Variants in RAB3GAP1 observed in about 807,000 individuals in gnomAD.
The protein encoded by RAB3GAP1 is rab3 GTPase-activating protein catalytic subunit.
In RAB3GAP1, 86 loss-of-function variants were observed where a neutral mutation model predicts 130.7. The ratio of observed to expected loss-of-function variants is 0.66; its 90% CI spans 0.55 to 0.79. The LOEUF (loss-of-function observed/expected upper bound fraction) is 0.79, where lower values mean the gene tolerates loss of function less well. Among genes scored for constraint, RAB3GAP1 ranks in the 30% least tolerant of loss-of-function variants. The pLI is 0.00. For missense variants in RAB3GAP1, 1,029 were observed against 1,169.4 expected, an observed-to-expected ratio of 0.88 and a Z score of 1.75; for synonymous variants, 367 against 401.7, an observed-to-expected ratio of 0.91 and a Z score of 1.03.
chr2:135,081,361 T>TATATATATATAC (rs1216831944), intron 3 of RAB3GAP1, among the ~76,000 whole-genome samples: 133 of 71,156 alleles, frequency 1.9e-3, no homozygotes, highest in Admixed American at 2.6e-3. Context: ...TATATATATA[T>TATATATATATAC]ACACACACGT....
At chr2:135,119,419 T>C (rs560385834) in intron 7 of RAB3GAP1, among the ~76,000 whole-genome samples, 103 of 152,292 alleles carry the variant, frequency 6.8e-4, no homozygotes, top group African/African-American at 2.4e-3. Context: ...CATAATTATT[T>C]CTTTTCTGGG....
chr2:135,105,502 G>C (rs889133514), intron 5 of RAB3GAP1, among the ~76,000 whole-genome samples: 2 of 152,090 alleles, frequency 1.3e-5, no homozygotes, highest in African/African-American at 4.8e-5. Context: ...TGGAGGTGCC[G>C]GGATTGCAGA....
At chr2:135,094,520 CA>C (rs1690236912) in intron 5 of RAB3GAP1, among the ~76,000 whole-genome samples, 1 of 152,030 alleles carries the variant, frequency 6.6e-6, no homozygotes. Flanking sequence ...TCCCATTAAC[CA>C]TCCCCTCTTT....
At chr2:135,096,330 G>A (rs59957696) in intron 5 of RAB3GAP1, among the ~76,000 whole-genome samples, 17,411 of 152,130 alleles carry the variant, frequency 0.11, 1,286 homozygotes, top group South Asian at 0.32. Context: ...ACATTAATCT[G>A]TGTTTATCTT....
At chr2:135,129,037 G>T (rs1292700208) in intron 11 of RAB3GAP1, among the ~76,000 whole-genome samples, 1 of 152,160 alleles carries the variant, frequency 6.6e-6, no homozygotes, top group East Asian at 1.9e-4. Context: ...TGTAGTCCCA[G>T]CCTACCCAGG....
intron 3 of RAB3GAP1, among the ~76,000 whole-genome samples, chr2:135,063,130 CTG>C (rs1452928061): frequency 1.3e-5 from 2 of 152,100 alleles, no homozygotes; most frequent in Admixed American, 6.5e-5. Flanking sequence ...CTTAAGTTAA[CTG>C]TAGGTTTTTT....
intron 5 of RAB3GAP1, among the ~76,000 whole-genome samples, chr2:135,106,307 G>T (rs1043021607): frequency 6.6e-6 from 1 of 152,214 alleles, no homozygotes; most frequent in African/African-American, 2.4e-5. Flanking sequence ...CGGTTTTGTC[G>T]AATAGAAAAG....
At chr2:135,072,213 A>G (rs1689495030) in intron 3 of RAB3GAP1, among the ~76,000 whole-genome samples, 2 of 152,188 alleles carry the variant, frequency 1.3e-5, no homozygotes, top group Admixed American at 6.6e-5. Context: ...GCCCAGCCAT[A>G]TATTGGATCT....
At chr2:135,144,800 G>C (rs1691948914) in intron 17 of RAB3GAP1, among the ~76,000 whole-genome samples, 1 of 152,136 alleles carries the variant, frequency 6.6e-6, no homozygotes. Context: ...TCCTAAAAAT[G>C]ATTCTTTTCT....
chr2:135,067,940 A>G (rs914728772), intron 3 of RAB3GAP1, among the ~76,000 whole-genome samples: 2 of 152,056 alleles, frequency 1.3e-5, no homozygotes, highest in Non-Finnish European at 2.9e-5. Flanking sequence ...AGGTCTCACT[A>G]TGTTGCCCAG....
At chr2:135,133,794 CT>C in intron 14 of RAB3GAP1, 66 bp from the exon 15 acceptor site, 1 of 1,425,446 alleles carries the variant, frequency 7.0e-7, no homozygotes, top group Non-Finnish European at 9.9e-7. Flanking sequence ...TCCCTACGAC[CT>C]TTTCAGTTAT....
At chr2:135,161,707 A>C (rs898864180) in intron 19 of RAB3GAP1, among the ~76,000 whole-genome samples, 2 of 152,202 alleles carry the variant, frequency 1.3e-5, no homozygotes, top group Non-Finnish European at 2.9e-5. Flanking sequence ...GTCCACCACA[A>C]GTCATTAAAT....
intron 5 of RAB3GAP1, among the ~76,000 whole-genome samples, chr2:135,112,314 T>G (rs1273267739): frequency 6.6e-6 from 1 of 152,240 alleles, no homozygotes; most frequent in Admixed American, 6.5e-5. Flanking sequence ...AAAGACATTC[T>G]ATACCAGCCA....
At chr2:135,106,444 C>CT in intron 5 of RAB3GAP1, among the ~76,000 whole-genome samples, 1 of 152,328 alleles carries the variant, frequency 6.6e-6, no homozygotes, top group African/African-American at 2.4e-5. Flanking sequence ...TGCTGTTAAT[C>CT]TATAACCTTA....
At chr2:135,097,529 G>T (rs946275456) in intron 5 of RAB3GAP1, among the ~76,000 whole-genome samples, 1 of 151,940 alleles carries the variant, frequency 6.6e-6, no homozygotes, top group Non-Finnish European at 1.5e-5. Context: ...CCACACTCTC[G>T]ACATCCTTAT....
At chr2:135,071,962 G>A (rs1574083263) in intron 3 of RAB3GAP1, among the ~76,000 whole-genome samples, 1 of 152,140 alleles carries the variant, frequency 6.6e-6, no homozygotes, top group Non-Finnish European at 1.5e-5. Context: ...GCCCAGGCTG[G>A]AATCTAGTAG....
At chr2:135,171,362 C>A (rs1692848110), downstream of RAB3GAP1, among the ~76,000 whole-genome samples, 1 of 152,062 alleles carries the variant, frequency 6.6e-6, no homozygotes, top group Non-Finnish European at 1.5e-5. Flanking sequence ...AAAGGCCACA[C>A]TCTGGCAGGA....
At chr2:135,097,139 C>A (rs1364328394) in intron 5 of RAB3GAP1, among the ~76,000 whole-genome samples, 1 of 151,574 alleles carries the variant, frequency 6.6e-6, no homozygotes, top group Non-Finnish European at 1.5e-5. Flanking sequence ...TTCTATAACA[C>A]CCCCTCACCT....
intron 5 of RAB3GAP1, among the ~76,000 whole-genome samples, chr2:135,112,935 C>G (rs1681502241): frequency 6.6e-6 from 1 of 151,896 alleles, no homozygotes; most frequent in Admixed American, 6.6e-5. Flanking sequence ...CAAATTGTTT[C>G]TAATTTGTAA....
Sources: allele counts gnomAD v4.1 joint callset (sites outside exome capture counted in the v4.1 genomes callset), GRCh38; gene constraint gnomAD v4.1.1; transcripts MANE v1.5; gene names NCBI Gene and HGNC (gene_info 2026-07-23, HGNC 2026-07-21).